Variants in MYH8 observed in about 807,000 individuals in gnomAD.
The protein encoded by MYH8 is myosin-8.
MYH8 carries 168 observed loss-of-function variants against 233.2 expected under a neutral mutation model. The ratio of observed to expected loss-of-function variants is 0.72; its 90% CI spans 0.64 to 0.82. The LOEUF (loss-of-function observed/expected upper bound fraction) is 0.82. MYH8 is among the 40% of genes least tolerant of loss of function. The pLI, the probability that MYH8 is intolerant of heterozygous loss-of-function variation, is 0.00. For missense variants in MYH8, 1,995 were observed against 2,327.8 expected (o/e 0.86, Z 2.94); for synonymous variants, 785 against 850.6 (o/e 0.92, Z 1.34).
intron 14 of MYH8, among the ~76,000 whole-genome samples, chr17:10,411,343 A>C (rs2072242989): frequency 6.6e-6 from 1 of 151,216 alleles, no homozygotes; most frequent in African/African-American, 2.4e-5. Flanking sequence ...GCCACTGCAC[A>C]CCAGCCTGGG....
At chr17:10,410,973 A>G in intron 14 of MYH8, 26 bp from the exon 15 acceptor site, 1 of 1,614,100 alleles carries the variant, frequency 6.2e-7, no homozygotes. Flanking sequence ...GAGATTTCCA[A>G]CATCAAATGA....
intron 22 of MYH8, 137 bp from the exon 23 acceptor site, chr17:10,401,922 C>T: frequency 8.0e-7 from 1 of 1,244,852 alleles, no homozygotes; most frequent in Non-Finnish European, 1.1e-6. Flanking sequence ...TTTAATCGAA[C>T]ATTATTACAT....
rs1397842983 is a variant in MYH8, at chr17:10,396,626, G to C, written c.4455C>G (p.Phe1485Leu). Residue 1485 changes from phenylalanine to leucine, a missense_variant, in exon 32 of 40, where the codon TTC becomes TTG. Phe to Leu is a conservative substitution (Grantham distance 22). Around this residue, in one of 3 missense-constraint regions of MYH8, gnomAD observed 1,498 missense variants for 1,680.9 expected, o/e 0.89. Transcript: ENST00000403437. This position sits in a 1 kb window ranked among gnomAD's most constrained non-coding sequence, Gnocchi z 4.2. ...ATTCCTCATAGACATTCTTCACCTTGAACAGCTCAGTGCTAAGAGAACGTG... is the reference window on the plus strand; with the variant it reads ...ATTCCTCATAGACATTCTTCACCTTCAACAGCTCAGTGCTAAGAGAACGTG... ...KESRSLSTEL[F>L]KVKNVYEESL... The C allele has an allele frequency of 1.9e-6, 3 of 1,614,162 alleles. No individual in the cohort carries two copies. Among genetic ancestry groups the C allele is most frequent in the Non-Finnish European group, 2.5e-6 (3 of 1,180,032 alleles).
rs761252870 is a variant in MYH8, at chr17:10,400,504, C to T, written c.3621G>A (p.Gly1207=). 2.5e-6 allele frequency: 4 copies of T among 1,614,198 alleles called. No individual in the cohort carries two copies. Among genetic ancestry groups the T allele is most frequent in the Non-Finnish European group, 3.4e-6 (4 of 1,180,032 alleles). ...CCCGCTGCAAGTTGTCAATCTGCTC[C>T]CCAAGCTCAGCCATACTGTCTGCGT... is the stretch of plus-strand genomic sequence containing the variant. ...KKHADSMAEL[G]EQIDNLQRVK... The change falls in exon 27 of 40, where the codon GGG becomes GGA. Residue 1207 remains glycine, a synonymous_variant. Transcript: ENST00000403437. This position sits in a 1 kb window ranked among gnomAD's most constrained non-coding sequence, Gnocchi z 4.0.
In MYH8 at chr17:10,396,947, A is replaced by C. The variant is rs780750095; in HGVS notation, c.4218T>G (p.His1406Gln). 1 of 1,614,160 alleles carries C rather than the reference A, an allele frequency of 6.2e-7. No individual in the cohort carries two copies. The highest frequency in any genetic ancestry group is 8.5e-7 in the Non-Finnish European group (1 of 1,180,024). Reference protein sequence around the residue: ...LAQRLQEAEEHVEAVNAKCAS... With the variant: ...LAQRLQEAEEQVEAVNAKCAS... ...CACATTTGGCGTTCACAGCTTCTAC[A>C]TGTTCCTCAGCTTCTTGCAGGCGCT... Residue 1406 changes from histidine to glutamine, a missense_variant, in exon 31 of 40, where the codon CAT (histidine) becomes CAG (glutamine). Physicochemically the swap from His to Gln is conservative, Grantham distance 24. This residue lies in a region of MYH8 where 1,498 missense variants were observed against 1,680.9 expected (regional missense o/e 0.89). Coordinates refer to ENST00000403437, the MANE Select transcript of MYH8 (RefSeq NM_002472.3). This position sits in a 1 kb window ranked among gnomAD's most constrained non-coding sequence, Gnocchi z 4.2.
At position 10,391,919 on chromosome 17, in the gene MYH8, G is replaced by T. The variant is rs200825271; in HGVS notation, c.5627C>A (p.Ala1876Glu). Residue 1876 changes from alanine (A) to glutamate (E), a missense_variant, in exon 39 of 40, where the codon GCG becomes GAG. Ala to Glu is a moderately radical substitution (Grantham distance 107). Coordinates refer to ENST00000403437, the MANE Select transcript of MYH8 (RefSeq NM_002472.3). ...TTGTCTCTTGTATGATTTCACCTTC[G>T]CCTGTAATTTATCTACCAAGTCCTG... is the stretch of plus-strand genomic sequence containing the variant. ...RLQDLVDKLQ[A>E]KVKSYKRQAE... is the part of the protein sequence containing the mutation. 3 of 1,613,884 alleles carry T rather than the reference G, an allele frequency of 1.9e-6. No homozygotes were observed. Among genetic ancestry groups the T allele is most frequent in the African/African-American group, 2.7e-5 (2 of 74,930 alleles).
Position 10,406,745 on chromosome 17 carries a change from G to A in MYH8, c.2116C>T (p.Arg706Cys), listed in dbSNP as rs773825015. The part of the protein sequence containing the change: ...LRCNGVLEGI[R>C]ICRKGFPSRI... ...CTTGGGAATCCTTTCCTACAGATGC[G>A]GATGCCTTCCAGCACACCATTACAC... The change falls in exon 19 of 40, where the codon CGC becomes TGC. Residue 706 changes from arginine to cysteine, a missense_variant. Physicochemically the swap from Arg to Cys is radical, Grantham distance 180. Transcript: ENST00000403437. 2.8e-5 allele frequency: 45 copies of A among 1,613,966 alleles called. No individual in the cohort carries two copies. Among genetic ancestry groups the A allele is most frequent in the African/African-American group, 8.0e-5 (6 of 74,898 alleles).
chr17:10,391,905 A>G lies in MYH8; in HGVS notation c.5641T>C (p.Tyr1881His). The G allele has an allele frequency of 6.2e-7, 1 of 1,614,088 alleles. No homozygotes were observed. Among genetic ancestry groups the G allele is most frequent in the Non-Finnish European group, 8.5e-7 (1 of 1,179,956 alleles). The part of the protein sequence containing the change: ...VDKLQAKVKS[Y>H]KRQAEEAEEQ... Reference sequence around the variant, plus strand: ...ACAGCCTCCTCAGCTTGTCTCTTGTATGATTTCACCTTCGCCTGTAATTTA... The same window carrying G: ...ACAGCCTCCTCAGCTTGTCTCTTGTGTGATTTCACCTTCGCCTGTAATTTA... The change falls in exon 39 of 40, where the codon TAC (tyrosine) becomes CAC (histidine). Residue 1881 changes from tyrosine (Y) to histidine (H), a missense_variant. Transcript: ENST00000403437.
intron 12 of MYH8, among the ~76,000 whole-genome samples, chr17:10,413,049 T>C (rs543193555): frequency 6.6e-6 from 1 of 152,304 alleles, no homozygotes; most frequent in Admixed American, 6.5e-5. Flanking sequence ...TTAGGTGTAG[T>C]TGGAAGGATA....
In MYH8 at chr17:10,395,137, A is replaced by G; in HGVS notation, c.4958T>C (p.Leu1653Pro). 1 of 1,613,194 alleles carries G rather than the reference A, an allele frequency of 6.2e-7. No homozygotes were observed. The highest frequency in any genetic ancestry group is 2.2e-5 in the East Asian group (1 of 44,882). Reference sequence around the variant, plus strand: ...GGCGAATGTGGACCCGTTTACCTTCAGGATTCCTTGGGTGTTCCTGTAGTT... The same window carrying G: ...GGCGAATGTGGACCCGTTTACCTTCGGGATTCCTTGGGTGTTCCTGTAGTT... ...LRNYRNTQGI[L>P]KETQLHLDDA... is the part of the protein sequence containing the mutation. The change falls in exon 34 of 40, where the codon CTG becomes CCG. Residue 1653 changes from leucine to proline, a missense_variant. Around this residue, in one of 3 missense-constraint regions of MYH8, gnomAD observed 1,498 missense variants for 1,680.9 expected, o/e 0.89. Transcript: ENST00000403437.
In MYH8 at chr17:10,412,778, T is replaced by C. The variant is rs200752720; in HGVS notation, c.1148-50A>G. On this transcript the variant is annotated intron_variant, in intron 12 of 39. Transcript: ENST00000403437. ...GTTGTTTCATGAAGGATATCCTCTT[T>C]TACCTAATCTTTCCATTTTTCTCCA... 1.8e-5 allele frequency: 26 copies of C among 1,420,412 alleles called. No homozygotes were observed. In the Admixed American group the frequency reaches 3.8e-4, roughly 21 times the overall value. 88.0% of individuals were successfully genotyped at this position (1,420,412 alleles called of 1,614,324 possible).
intron 15 of MYH8, 136 bp downstream of exon 15, chr17:10,410,641 A>T (rs1228839334): frequency 1.5e-6 from 2 of 1,372,450 alleles, no homozygotes; most frequent in East Asian, 4.7e-5. Flanking sequence ...AAAAAGAGGA[A>T]GTAATTTCTA....
At chr17:10,406,017 T>C in intron 21 of MYH8, 24 bp downstream of exon 21, 1 of 1,612,454 alleles carries the variant, frequency 6.2e-7, no homozygotes, top group Non-Finnish European at 8.5e-7. Context: ...ACCTTATAAT[T>C]CTGATATTCT....
At chr17:10,393,651 C>G (rs77837836) in intron 35 of MYH8, among the ~76,000 whole-genome samples, 46 of 152,300 alleles carry the variant, frequency 3.0e-4, no homozygotes, top group Admixed American at 2.2e-3. Context: ...CTTATGAAAA[C>G]ATGTTCTTAA....
At position 10,400,727 on chromosome 17, in the gene MYH8, G is replaced by A. The variant is rs1440801997; in HGVS notation, c.3398C>T (p.Ala1133Val). The change falls in exon 27 of 40, where the codon GCC (alanine) becomes GTC (valine). Residue 1133 changes from alanine (A) to valine (V), a missense_variant. This residue lies in a region of MYH8 where 1,498 missense variants were observed against 1,680.9 expected (regional missense o/e 0.89). Transcript: ENST00000403437. The surrounding 1 kb of genome is among the most constrained non-coding windows in gnomAD (Gnocchi z 4.0). The part of the protein sequence containing the change: ...EEIEAERASR[A>V]KAEKQRSDLS... Reference sequence around the variant, plus strand: ...GTCAGAGCGCTGCTTCTCCGCTTTGGCTCGGGACGCCCTCTCTGCCTCGAT... The same window carrying A: ...GTCAGAGCGCTGCTTCTCCGCTTTGACTCGGGACGCCCTCTCTGCCTCGAT... 1 of 1,614,024 alleles carries A rather than the reference G, an allele frequency of 6.2e-7. No individual in the cohort carries two copies. Among genetic ancestry groups the A allele is most frequent in the African/African-American group, 1.3e-5 (1 of 74,910 alleles).
intron 38 of MYH8, among the ~76,000 whole-genome samples, chr17:10,392,195 C>T (rs2072032393): frequency 1.3e-5 from 2 of 152,128 alleles, no homozygotes; most frequent in African/African-American, 2.4e-5. Flanking sequence ...CAGTCCTTAC[C>T]TCCCCATCCG....
At chr17:10,404,644 CTT>C in intron 21 of MYH8, 59 bp from the exon 22 acceptor site, 1 of 1,601,318 alleles carries the variant, frequency 6.2e-7, no homozygotes, top group Middle Eastern at 1.7e-4. Context: ...GTTATTGTTA[CTT>C]ATCACACACA....
rs377754992 is a variant in MYH8, at chr17:10,409,176, A to G, written c.1898-12T>C. On this transcript the variant is annotated splice_polypyrimidine_tract_variant and intron_variant, in intron 16 of 39. Transcript: ENST00000403437. ...CTTCGCGCTGCTATCTGAGGTAAAA[A>G]GAAAACCCGTGAATAAGAATAGAAT... 5.6e-6 allele frequency: 9 copies of G among 1,614,110 alleles called. No homozygotes were observed. In the African/African-American group the frequency reaches 1.2e-4, roughly 22 times the overall value.
rs914097202 is a variant in MYH8 at position 10,420,197 on chromosome 17, C to T, written c.31G>A (p.Val11Ile). Reference protein sequence around the residue: MSASSDAEMAVFGEAAPYLRK... With the variant: MSASSDAEMAIFGEAAPYLRK... ...AGGTAGGGAGCAGCTTCGCCAAAAA[C>T]AGCCATCTCAGCGTCTGAGCTCGCA... is the stretch of plus-strand genomic sequence containing the variant. The change falls in exon 3 of 40, where the codon GTT (valine) becomes ATT (isoleucine). Residue 11 changes from valine (V) to isoleucine (I), a missense_variant. By Grantham distance (29) the Val-to-Ile change is conservative (BLOSUM62 3). Around this residue, in one of 3 missense-constraint regions of MYH8, gnomAD observed 479 missense variants for 600.9 expected, o/e 0.80. Coordinates refer to ENST00000403437, the MANE Select transcript of MYH8 (RefSeq NM_002472.3). 1 of 1,613,474 alleles carries T rather than the reference C, an allele frequency of 6.2e-7. No individual in the cohort carries two copies. Among genetic ancestry groups the T allele is most frequent in the African/African-American group, 1.3e-5 (1 of 74,932 alleles).
Sources: gnomAD v4.1 joint callset for allele counts (sites outside exome capture counted in the v4.1 genomes callset) on GRCh38, gnomAD v4.1.1 for gene constraint, gnomAD v4.1.1 regional missense constraint, Gnocchi (gnomAD v3.1) non-coding constraint, MANE v1.5 for transcripts, NCBI Gene and HGNC (gene_info 2026-07-23, HGNC 2026-07-21) for gene names.